The following PDE1C variants were observed in gnomAD, a reference collection of about 807,000 sequenced individuals.
PDE1C encodes dual specificity calcium/calmodulin-dependent 3',5'-cyclic nucleotide phosphodiesterase 1C.
Under a neutral mutation model 93.1 loss-of-function variants are expected in PDE1C, and 62 were observed. That is an observed-to-expected ratio of 0.67 (90% CI 0.54 to 0.82). The LOEUF is 0.82. Ranked by LOEUF, PDE1C falls within the 40% of genes least tolerant of loss-of-function variation. The pLI is 0.00. For missense variants in PDE1C, 742 were observed against 884.6 expected (o/e 0.84, Z 2.04); for synonymous variants, 325 against 310.1 (o/e 1.05, Z -0.50).
At chr7:32,407,776 C>T (rs1459160114) in intron 1 of PDE1C, among the ~76,000 whole-genome samples, 1 of 152,094 alleles carries the variant, frequency 6.6e-6, no homozygotes, top group Non-Finnish European at 1.5e-5. Flanking sequence ...TGTGTGGAGC[C>T]TGGGTTGAGG....
the PDE1C span, chr7:31,643,311 T>C: frequency 2.5e-6 from 4 of 1,613,874 alleles, no homozygotes; most frequent in Non-Finnish European, 3.4e-6. Flanking sequence ...CCAAGCACAG[T>C]GAAATCACAC....
chr7:31,828,139 G>A (rs916910403), intron 12 of PDE1C, among the ~76,000 whole-genome samples, 153 bp downstream of exon 12: 10 of 152,176 alleles, frequency 6.6e-5, no homozygotes, highest in Middle Eastern at 3.2e-3. Flanking sequence ...AGAATGGACA[G>A]AGTGGTTCCA....
intron 1 of PDE1C, among the ~76,000 whole-genome samples, chr7:32,406,717 T>C (rs1785059103): frequency 6.6e-6 from 1 of 152,140 alleles, no homozygotes; most frequent in African/African-American, 2.4e-5. Context: ...GGCAGGGAGA[T>C]ACATTCTCCA....
At chr7:32,207,834 G>GAC (rs1429645976) in intron 2 of PDE1C, among the ~76,000 whole-genome samples, 1 of 152,086 alleles carries the variant, frequency 6.6e-6, no homozygotes, top group Non-Finnish European at 1.5e-5. Context: ...CTCATGCAAG[G>GAC]ACCGCCCTCC....
chr7:31,968,780 G>A (rs2129045676), intron 2 of PDE1C, among the ~76,000 whole-genome samples: 1 of 152,246 alleles, frequency 6.6e-6, no homozygotes, highest in South Asian at 2.1e-4. Context: ...TACCAAAACA[G>A]AGATATAGAC....
At chr7:32,062,656 T>C (rs1182776484) in intron 1 of PDE1C, among the ~76,000 whole-genome samples, 1 of 152,208 alleles carries the variant, frequency 6.6e-6, no homozygotes, top group Non-Finnish European at 1.5e-5. Context: ...CTGGACTTCT[T>C]GCAGCACTCG....
chr7:32,338,522 T>C (rs533582012), intron 1 of PDE1C, among the ~76,000 whole-genome samples: 11 of 152,312 alleles, frequency 7.2e-5, no homozygotes, highest in Admixed American at 6.5e-4. Flanking sequence ...ACTGGAGCTC[T>C]TGTATATTCT....
At position 32,213,137 on chromosome 7, in the gene PDE1C, C is replaced by T. The variant is rs1584970795; in HGVS notation, c.86-3598G>A. 2.6e-5 allele frequency among the ~76,000 whole-genome samples: 4 copies of T among 152,338 alleles called. No individual in the cohort carries two copies. The South Asian group carries it at 8.3e-4, about 32-fold the overall frequency. Reference sequence around the variant, plus strand: ...TAGACCAGACATCTCAGACTGCCTTCCAGATGACTATAGGAAGCCCCAGGT... The same window carrying T: ...TAGACCAGACATCTCAGACTGCCTTTCAGATGACTATAGGAAGCCCCAGGT... On this transcript the variant is annotated intron_variant, in intron 1 of 18. Coordinates refer to the PDE1C transcript ENST00000396193.
chr7:32,129,164 T>C (rs1006620554), intron 3 of PDE1C, among the ~76,000 whole-genome samples: 30 of 151,306 alleles, frequency 2.0e-4, no homozygotes, highest in Non-Finnish European at 3.7e-4. Flanking sequence ...AAAATATCAC[T>C]GTCAAGACTG....
intron 1 of PDE1C, among the ~76,000 whole-genome samples, chr7:32,330,981 A>C (rs1209920172): frequency 6.6e-6 from 1 of 152,134 alleles, no homozygotes; most frequent in Non-Finnish European, 1.5e-5. Context: ...TTGGGGTTGG[A>C]CTAGAAGTCA....
At chr7:32,177,688 C>T (rs1023686605) in intron 2 of PDE1C, among the ~76,000 whole-genome samples, 1 of 152,200 alleles carries the variant, frequency 6.6e-6, no homozygotes, top group African/African-American at 2.4e-5. Flanking sequence ...CTGAACCACA[C>T]TGAGGCTCTT....
chr7:32,188,283 G>C (rs1804013635), intron 2 of PDE1C, among the ~76,000 whole-genome samples: 1 of 151,888 alleles, frequency 6.6e-6, no homozygotes. Context: ...TGCAAACCCA[G>C]GTCTTACTTT....
chr7:32,154,547 T>C (rs1272842179), intron 3 of PDE1C, among the ~76,000 whole-genome samples: 1 of 152,218 alleles, frequency 6.6e-6, no homozygotes, highest in Non-Finnish European at 1.5e-5. Flanking sequence ...TTATGCCTAG[T>C]ATTTTTACAT....
chr7:32,344,792 C>G (rs1362933167), intron 1 of PDE1C, among the ~76,000 whole-genome samples: 2 of 152,104 alleles, frequency 1.3e-5, no homozygotes, highest in Non-Finnish European at 2.9e-5. Flanking sequence ...TCCACGAGAG[C>G]AAGGATTTTT....
At chr7:32,398,351 G>A (rs1585142433) in intron 1 of PDE1C, among the ~76,000 whole-genome samples, 1 of 151,352 alleles carries the variant, frequency 6.6e-6, no homozygotes, top group African/African-American at 2.4e-5. Flanking sequence ...TGTATGAACT[G>A]ATACGGGATG....
intron 1 of PDE1C, among the ~76,000 whole-genome samples, chr7:32,345,918 G>A (rs1214418591): frequency 1.3e-5 from 2 of 152,172 alleles, no homozygotes; most frequent in Non-Finnish European, 2.9e-5. Flanking sequence ...TAATCACTTT[G>A]GAAAACAGTT....
chr7:31,893,763 T>C (rs1436325650), intron 2 of PDE1C, among the ~76,000 whole-genome samples: 1 of 152,116 alleles, frequency 6.6e-6, no homozygotes, highest in East Asian at 1.9e-4. Flanking sequence ...CACTGTTGAA[T>C]CAATCTGGAC....
At chr7:32,415,786 G>A (rs946356868) in intron 1 of PDE1C, among the ~76,000 whole-genome samples, 1 of 152,210 alleles carries the variant, frequency 6.6e-6, no homozygotes, top group Non-Finnish European at 1.5e-5. Context: ...AAAAGTGACA[G>A]AATGGAAAAA....
At chr7:32,267,242 G>A (rs1810645204) in intron 1 of PDE1C, among the ~76,000 whole-genome samples, 1 of 152,232 alleles carries the variant, frequency 6.6e-6, no homozygotes, top group African/African-American at 2.4e-5. Flanking sequence ...GCAGGCTGAG[G>A]TTAGGGGATT....
Sources: gnomAD v4.1 joint callset for allele counts (sites outside exome capture counted in the v4.1 genomes callset) on GRCh38, gnomAD v4.1.1 for gene constraint, MANE v1.5 for transcripts, NCBI Gene and HGNC (gene_info 2026-07-23, HGNC 2026-07-21) for gene names.